Variants in ASNS observed in about 807,000 individuals in gnomAD.
The protein encoded by ASNS is asparagine synthetase (glutamine-hydrolyzing).
Under a neutral mutation model 62.6 loss-of-function variants are expected in ASNS, and 37 were observed. The ratio of observed to expected loss-of-function variants is 0.59; its 90% CI spans 0.45 to 0.78. ASNS has a LOEUF of 0.78. Among genes scored for constraint, ASNS ranks in the 30% least tolerant of loss-of-function variants. The pLI is 0.00. For missense variants in ASNS, 520 were observed against 682.4 expected, an observed-to-expected ratio of 0.76 and a Z score of 2.65; for synonymous variants, 207 against 237.9, an observed-to-expected ratio of 0.87 and a Z score of 1.19.
chr7:97,916,147 C>T, the ASNS span, among the ~76,000 whole-genome samples: 1 of 152,066 alleles, frequency 6.6e-6, no homozygotes, highest in African/African-American at 2.4e-5. Flanking sequence ...CTTTGGGAGG[C>T]CGAGTTGGAT....
At chr7:97,856,562 T>C (rs1004138590) in intron 8 of ASNS, 128 bp downstream of exon 8, 2 of 832,318 alleles carry the variant, frequency 2.4e-6, no homozygotes, top group African/African-American at 1.7e-5. Context: ...ATCAGTAACA[T>C]AGGGATTTAA....
Position 97,857,637 on chromosome 7 carries a change from AC to A in ASNS, c.903+640del, listed in dbSNP as rs1211656081. On this transcript the variant is annotated intron_variant, in intron 7 of 12. Transcript: ENST00000394308. ...CGTTTAAAAAAAAAAAAAAAAAAAA[AC>A]GAACAAAAAACCCGTTTTTTTAATT... 1.5e-4 allele frequency among the ~76,000 whole-genome samples: 21 copies of A among 137,178 alleles called. 1 individual carries two copies. The highest frequency in any genetic ancestry group is 6.1e-4 in the East Asian group (3 of 4,898). 90.0% of individuals were successfully genotyped at this position (137,178 alleles called of 152,430 possible).
chr7:97,854,202 C>A (rs1025257262), intron 10 of ASNS, among the ~76,000 whole-genome samples: 12 of 152,188 alleles, frequency 7.9e-5, no homozygotes, highest in African/African-American at 2.9e-4. Flanking sequence ...ATGATGTTTA[C>A]GATCTTTACT....
the ASNS span, among the ~76,000 whole-genome samples, chr7:97,896,735 C>CATATATATATATATATAT: frequency 1.4e-3 from 36 of 24,924 alleles, no homozygotes; most frequent in African/African-American, 2.7e-3. Flanking sequence ...CACACACACA[C>CATATATATATATATATAT]ACACACATAT....
chr7:97,917,836 C>T, the ASNS span, among the ~76,000 whole-genome samples: 7 of 152,158 alleles, frequency 4.6e-5, no homozygotes, highest in East Asian at 1.2e-3. Context: ...CTGCCCTACA[C>T]GTGCTGACTG....
rs186523390 is a variant in ASNS, at chr7:97,855,000, C to T, written c.1138-320G>A. The T allele has an allele frequency of 3.1e-3, 1,043 of 331,564 alleles. 8 individuals carry two copies. Among genetic ancestry groups the T allele is most frequent in the African/African-American group, 0.023 (965 of 41,916 alleles). The allele number at this position is 331,564 out of a possible 1,614,324, so 20.5% of individuals were successfully genotyped here. ...CTTTTTTTTTTTTTTTTTTAAGAGA[C>T]GGGGTCTTACTCTGTCAACCAGGCA... is the stretch of plus-strand genomic sequence containing the variant. On this transcript the variant is annotated intron_variant, in intron 9 of 12. Coordinates refer to ENST00000394308, the MANE Select transcript of ASNS (RefSeq NM_001673.5).
rs71108240 is a variant in ASNS, at chr7:97,861,023, C to CTTTTTT, written c.488-1631_488-1626dup. Among the ~76,000 whole-genome samples, 15 of 120,686 alleles carry CTTTTTT rather than the reference C, an allele frequency of 1.2e-4. 1 individual carries two copies. The highest frequency in any genetic ancestry group is 2.0e-4 in the Non-Finnish European group (12 of 60,716). The allele number at this position is 120,686 out of a possible 152,430, so 79.2% of individuals were successfully genotyped here. A position where few individuals can be genotyped will look rare whatever the true frequency, so the allele number is the denominator to read the frequency against. On this transcript the variant is annotated intron_variant, in intron 4 of 12. Transcript: ENST00000394308. ...TAGTTCAAAACTGATTCATTTGATC[C>CTTTTTT]TTTTTTTTTTTTTTTTTGAGATGAG...
chr7:97,908,958 C>A, the ASNS span: 6 of 152,102 alleles, frequency 3.9e-5, no homozygotes, highest in Non-Finnish European at 8.8e-5. Context: ...TTGAGACACC[C>A]TGATGCAAAA....
the ASNS span, among the ~76,000 whole-genome samples, chr7:97,921,061 A>G: frequency 6.6e-6 from 1 of 152,114 alleles, no homozygotes; most frequent in Non-Finnish European, 1.5e-5. Context: ...TCTTCCCCAT[A>G]CAAAAATCAG....
the ASNS span, among the ~76,000 whole-genome samples, chr7:97,900,009 A>G: frequency 1.3e-5 from 2 of 152,222 alleles, no homozygotes; most frequent in African/African-American, 4.8e-5. Flanking sequence ...AGGGAAACAG[A>G]AATCAAAACC....
the ASNS span, among the ~76,000 whole-genome samples, chr7:97,881,379 C>T: frequency 6.6e-6 from 1 of 151,648 alleles, no homozygotes; most frequent in East Asian, 1.9e-4. Flanking sequence ...CATTAACACC[C>T]CCCGCCCCCC....
At chr7:97,925,422 C>A in the ASNS span, among the ~76,000 whole-genome samples, 1 of 152,160 alleles carries the variant, frequency 6.6e-6, no homozygotes, top group African/African-American at 2.4e-5. Flanking sequence ...CACTCCCTTG[C>A]TCCATGACAT....
upstream of ASNS, among the ~76,000 whole-genome samples, chr7:97,874,726 C>G (rs1792403465): frequency 7.2e-6 from 1 of 139,726 alleles, no homozygotes; most frequent in Non-Finnish European, 1.6e-5. Flanking sequence ...ATAAATACAT[C>G]AGGATGAATA....
the ASNS span, among the ~76,000 whole-genome samples, chr7:97,882,499 G>C: frequency 6.6e-6 from 1 of 151,850 alleles, no homozygotes; most frequent in Non-Finnish European, 1.5e-5. Flanking sequence ...AGTGAGCCGA[G>C]ATCGCATCAC....
At position 97,858,871 on chromosome 7, in the gene ASNS, A is replaced by C. The variant is rs761044095; in HGVS notation, c.758T>G (p.Ile253Ser). 16 of 1,612,542 alleles carry C rather than the reference A, an allele frequency of 9.9e-6. No homozygotes were observed. Among genetic ancestry groups the C allele is most frequent in the Admixed American group, 1.7e-5 (1 of 59,656 alleles). ...VKKRLMTDRR[I>S]GCLLSGGLDS... ...GACTTCACCTGATAAAAGGCAGCCA[A>C]TCCTTCTGTCTGTCATCAAACGTTT... The change falls in exon 6 of 13, where the codon ATT becomes AGT. Residue 253 changes from isoleucine to serine, a missense_variant. Physicochemically the swap from Ile to Ser is moderately radical, Grantham distance 142. Transcript: ENST00000394308.
intron 3 of ASNS, among the ~76,000 whole-genome samples, chr7:97,867,042 G>A (rs1250934037): frequency 1.3e-5 from 2 of 149,182 alleles, no homozygotes; most frequent in Non-Finnish European, 3.0e-5. Flanking sequence ...GGTCCTTTGG[G>A]TAACGGATGT....
At chr7:97,854,716 T>C in intron 9 of ASNS, 36 bp from the exon 10 acceptor site, 2 of 1,613,548 alleles carry the variant, frequency 1.2e-6, no homozygotes, top group East Asian at 4.5e-5. Flanking sequence ...AGTTTTGCTT[T>C]TGGCACACAA....
At chr7:97,867,799 ATAAC>A in intron 3 of ASNS, among the ~76,000 whole-genome samples, 1 of 152,186 alleles carries the variant, frequency 6.6e-6, no homozygotes, top group East Asian at 1.9e-4. Flanking sequence ...AATTTCCTGA[ATAAC>A]TATTTTAAAA....
intron 4 of ASNS, chr7:97,863,489 T>G (rs1346107107): frequency 6.6e-6 from 1 of 152,356 alleles, no homozygotes; most frequent in Non-Finnish European, 1.5e-5. Flanking sequence ...CTGATGGATA[T>G]GGAGAGATGG....
Sources: allele counts gnomAD v4.1 joint callset (sites outside exome capture counted in the v4.1 genomes callset), GRCh38; gene constraint gnomAD v4.1.1; transcripts MANE v1.5; gene names NCBI Gene and HGNC (gene_info 2026-07-23, HGNC 2026-07-21).